Variants in CLEC16A observed in about 807,000 individuals in gnomAD.
CLEC16A encodes C-type lectin domain containing 16A, also known as protein CLEC16A.
In CLEC16A, 51 loss-of-function variants were observed where a neutral mutation model predicts 109.5. The observed-to-expected ratio is 0.47, with a 90% CI of 0.37 to 0.59. The LOEUF (loss-of-function observed/expected upper bound fraction) is 0.59. Ranked by LOEUF, CLEC16A falls within the 20% of genes least tolerant of loss-of-function variation. The pLI is 0.00. For synonymous variants in CLEC16A, 673 were observed against 564.2 expected, an observed-to-expected ratio of 1.19 and a Z score of -2.73; for missense variants, 1,339 against 1,394.0, an observed-to-expected ratio of 0.96 and a Z score of 0.63.
Position 10,983,002 on chromosome 16 carries a change from A to C in CLEC16A, c.1071+11A>C. On this transcript the variant is annotated intron_variant, in intron 10 of 23. Transcript: ENST00000409790. The stretch of plus-strand genomic sequence containing the variant: ...ATTCAGAGAAGTTCTGTAAGTCATT[A>C]GCTTCGGGACTGACCTTAACAGGAA... The C allele has an allele frequency of 6.9e-7, 1 of 1,450,810 alleles. No homozygotes were observed. 89.9% of individuals were successfully genotyped at this position (1,450,810 alleles called of 1,614,324 possible). A position where few individuals can be genotyped will look rare whatever the true frequency, so the allele number is the denominator to read the frequency against.
rs1331936420 is a variant in CLEC16A at position 11,004,565 on chromosome 16, TC to T, written c.1303+1262del. Reference sequence around the variant, plus strand: ...AGCAAGGACTGCGTGAGCTTCCCAGTCCAGGGCATCTGAAGCTGTAACACAG... The same window carrying T: ...AGCAAGGACTGCGTGAGCTTCCCAGTCAGGGCATCTGAAGCTGTAACACAG... On this transcript the variant is annotated intron_variant, in intron 11 of 23. Coordinates refer to ENST00000409790, the MANE Select transcript of CLEC16A (RefSeq NM_015226.3). Among the ~76,000 whole-genome samples, 10 of 152,286 alleles carry T rather than the reference TC, an allele frequency of 6.6e-5. No homozygotes were observed. The East Asian group carries it at 1.5e-3, about 24-fold the overall frequency.
chr16:10,989,518 A>C (rs566308861), intron 10 of CLEC16A, among the ~76,000 whole-genome samples: 2 of 152,326 alleles, frequency 1.3e-5, no homozygotes, highest in Admixed American at 6.5e-5. Flanking sequence ...TACAGGCATG[A>C]GCCATCACAC....
At chr16:10,976,377 G>A (rs375603154) in intron 7 of CLEC16A, among the ~76,000 whole-genome samples, 50 of 150,226 alleles carry the variant, frequency 3.3e-4, no homozygotes, top group African/African-American at 1.1e-3. Flanking sequence ...ACAGTTAGAC[G>A]GATAGAAATG....
At chr16:11,117,752 A>G (rs2052106422) in intron 19 of CLEC16A, among the ~76,000 whole-genome samples, 2 of 152,314 alleles carry the variant, frequency 1.3e-5, no homozygotes, top group South Asian at 4.1e-4. Context: ...AAATGGGTAT[A>G]TAATTTTGCA....
chr16:10,995,618 C>T (rs1479007048), intron 10 of CLEC16A, among the ~76,000 whole-genome samples: 2 of 152,182 alleles, frequency 1.3e-5, no homozygotes, highest in Non-Finnish European at 2.9e-5. Context: ...CTCTGGTGCC[C>T]CCTTGTACCA....
intron 22 of CLEC16A, among the ~76,000 whole-genome samples, chr16:11,141,273 T>G (rs6498168): frequency 0.71 from 107,574 of 152,186 alleles, 39,431 homozygotes; most frequent in African/African-American, 0.9. Flanking sequence ...ACCATGGAAG[T>G]CACCATCTCT....
chr16:11,093,403 T>C (rs2050426419), intron 19 of CLEC16A, among the ~76,000 whole-genome samples: 1 of 152,134 alleles, frequency 6.6e-6, no homozygotes, highest in African/African-American at 2.4e-5. Flanking sequence ...TCCTAAACCC[T>C]AGCTGACACT....
chr16:10,958,538 C>G (rs1479930275), intron 2 of CLEC16A, among the ~76,000 whole-genome samples: 1 of 152,198 alleles, frequency 6.6e-6, no homozygotes, highest in East Asian at 1.9e-4. Flanking sequence ...AAAAAGTTCT[C>G]TTTGTCTAGT....
At chr16:10,992,108 A>G (rs2044053518) in intron 10 of CLEC16A, among the ~76,000 whole-genome samples, 1 of 152,180 alleles carries the variant, frequency 6.6e-6, no homozygotes, top group African/African-American at 2.4e-5. Context: ...TAGCCTCCAG[A>G]TACGCACGGG....
chr16:10,953,801 C>A (rs189725579), intron 1 of CLEC16A, among the ~76,000 whole-genome samples: 5 of 152,230 alleles, frequency 3.3e-5, no homozygotes, highest in African/African-American at 9.6e-5. Context: ...ACAGTGAAAC[C>A]CCATGTCTAC....
At chr16:11,095,797 G>A (rs1371742963) in intron 19 of CLEC16A, among the ~76,000 whole-genome samples, 3 of 130,338 alleles carry the variant, frequency 2.3e-5, no homozygotes, top group African/African-American at 3.0e-5. Context: ...GGGTGACATA[G>A]CAAAACTCTG....
intron 14 of CLEC16A, chr16:11,041,062 C>T (rs2047308147): frequency 6.6e-6 from 1 of 152,212 alleles, no homozygotes; most frequent in Admixed American, 6.5e-5. Context: ...TGCATAAGAG[C>T]AGTTGTCCTT....
intron 8 of CLEC16A, 145 bp downstream of exon 8, chr16:10,977,544 T>C: frequency 1.2e-6 from 1 of 826,388 alleles, no homozygotes; most frequent in South Asian, 1.8e-5. Flanking sequence ...GACGGAGTTT[T>C]GCTCTTTTAC....
chr16:11,130,977 G>C lies in CLEC16A; in HGVS notation c.2641+4831G>C, dbSNP rs1240454075. Among the ~76,000 whole-genome samples, 6 of 152,118 alleles carry C rather than the reference G, an allele frequency of 3.9e-5. 1 individual carries two copies. In the East Asian group the frequency reaches 1.2e-3, roughly 29 times the overall value. ...ATATTAAAGTAGTGTATAAATCAGG[G>C]CTAATAGGTGACTAGCCACTTTGGT... is the stretch of plus-strand genomic sequence containing the variant. On this transcript the variant is annotated intron_variant, in intron 22 of 23. Transcript: ENST00000409790.
chr16:10,951,201 C>G, intron 1 of CLEC16A, among the ~76,000 whole-genome samples: 1 of 152,184 alleles, frequency 6.6e-6, no homozygotes, highest in East Asian at 1.9e-4. Context: ...AACTCTGAAG[C>G]TCATCTGTCG....
intron 19 of CLEC16A, among the ~76,000 whole-genome samples, chr16:11,070,072 C>T (rs746302527): frequency 1.5e-4 from 14 of 95,398 alleles, no homozygotes; most frequent in Non-Finnish European, 2.7e-4. Context: ...TGAACTGCCA[C>T]CATTTTTTTT....
chr16:10,944,610 ACCGCCTCC>A lies in CLEC16A; in HGVS notation c.-107_-100del. On this transcript the variant is annotated 5_prime_UTR_variant, in exon 1 of 24. Transcript: ENST00000409790. ...GAGGAAGGCGGCTCGCGGTTCCTCC[ACCGCCTCC>A]GCCGCCGCATCCTCCGCTTGTGCTA... The A allele has an allele frequency of 9.0e-7, 1 of 1,108,532 alleles. No homozygotes were observed. Among genetic ancestry groups the A allele is most frequent in the Non-Finnish European group, 1.3e-6 (1 of 772,304 alleles). 68.7% of individuals were successfully genotyped at this position (1,108,532 alleles called of 1,614,324 possible).
Position 11,019,861 on chromosome 16 carries a change from G to T in CLEC16A, c.1304-332G>T, listed in dbSNP as rs374934820. Among the ~76,000 whole-genome samples, 379 of 152,224 alleles carry T rather than the reference G, an allele frequency of 2.5e-3. No homozygotes were observed. In the Middle Eastern group the frequency reaches 0.034, roughly 14 times the overall value. On this transcript the variant is annotated intron_variant, in intron 11 of 23. Transcript: ENST00000409790. ...AACCACATGTCATATCTTCTCAGCT[G>T]CCTGAAATCCTTTGGGAAGGAAATG...
intron 5 of CLEC16A, 188 bp downstream of exon 5, chr16:10,971,418 C>T: frequency 2.1e-6 from 1 of 480,904 alleles, no homozygotes; most frequent in Admixed American, 6.4e-5. Flanking sequence ...AAATCCTTGC[C>T]TTCTCCAGGC....
Sources: gnomAD v4.1 joint callset for allele counts (sites outside exome capture counted in the v4.1 genomes callset) on GRCh38, gnomAD v4.1.1 for gene constraint, MANE v1.5 for transcripts, NCBI Gene and HGNC (gene_info 2026-07-23, HGNC 2026-07-21) for gene names.